Variants in EFNA5 observed in about 807,000 individuals in gnomAD.
EFNA5 encodes the protein ephrin-A5.
Under a neutral mutation model 22.9 loss-of-function variants are expected in EFNA5, and 5 were observed. That is an observed-to-expected ratio of 0.22 (90% CI 0.11 to 0.46). The LOEUF is 0.46. EFNA5 is among the 20% of genes least tolerant of loss of function. The probability of loss-of-function intolerance (pLI) is 0.99; values close to 1 mark genes in which losing one functional copy is unlikely to be tolerated. For synonymous variants in EFNA5, 113 were observed against 112.2 expected (o/e 1.01, Z -0.04); for missense variants, 237 against 293.3 (o/e 0.81, Z 1.40).
At chr5:107,663,014 A>T (rs1040525751) in intron 1 of EFNA5, among the ~76,000 whole-genome samples, 1 of 152,124 alleles carries the variant, frequency 6.6e-6, no homozygotes, top group Non-Finnish European at 1.5e-5. Context: ...GCATATTATT[A>T]CTAAGTTAAA....
At chr5:107,602,102 T>C (rs1452609085) in intron 1 of EFNA5, among the ~76,000 whole-genome samples, 1 of 152,218 alleles carries the variant, frequency 6.6e-6, no homozygotes, top group Non-Finnish European at 1.5e-5. Context: ...AAAGAAGGAA[T>C]GGTGATTTAT....
chr5:107,670,111 G>A (rs1474392408), intron 1 of EFNA5, among the ~76,000 whole-genome samples: 3 of 151,292 alleles, frequency 2.0e-5, no homozygotes, highest in African/African-American at 7.3e-5. Flanking sequence ...CACGCTCCAG[G>A]AAGGAGCTCC....
intron 1 of EFNA5, among the ~76,000 whole-genome samples, chr5:107,559,139 CCT>C (rs1454984127): frequency 1.3e-5 from 2 of 152,116 alleles, no homozygotes; most frequent in African/African-American, 4.8e-5. Context: ...GGCCAGATGC[CCT>C]GATTCCCTAT....
At chr5:107,482,319 A>AAC (rs1175394479) in intron 1 of EFNA5, among the ~76,000 whole-genome samples, 2 of 152,096 alleles carry the variant, frequency 1.3e-5, no homozygotes, top group East Asian at 1.9e-4. Flanking sequence ...AAAAAAAAAA[A>AAC]AAATGCTATT....
intron 1 of EFNA5, among the ~76,000 whole-genome samples, chr5:107,482,972 CAG>C (rs1010156989): frequency 4.6e-5 from 7 of 151,546 alleles, no homozygotes; most frequent in African/African-American, 1.5e-4. Flanking sequence ...AGCACTGAGG[CAG>C]AGTGTATTTC....
intron 1 of EFNA5, among the ~76,000 whole-genome samples, chr5:107,669,889 C>A (rs1751150585): frequency 6.6e-6 from 1 of 151,994 alleles, no homozygotes; most frequent in African/African-American, 2.4e-5. Context: ...CGGGCCCAGA[C>A]TGACTCAGGG....
chr5:107,598,669 C>T (rs1232313609), intron 1 of EFNA5, among the ~76,000 whole-genome samples: 1 of 152,178 alleles, frequency 6.6e-6, no homozygotes, highest in Non-Finnish European at 1.5e-5. Context: ...GGTCAGAATT[C>T]AGAATCAGAA....
At chr5:107,653,217 A>G (rs905297540) in intron 1 of EFNA5, among the ~76,000 whole-genome samples, 4 of 152,094 alleles carry the variant, frequency 2.6e-5, no homozygotes, top group African/African-American at 4.8e-5. Flanking sequence ...TTCACTCAGA[A>G]ATGGGCTGGA....
At chr5:107,653,308 C>T (rs2112554388) in intron 1 of EFNA5, among the ~76,000 whole-genome samples, 1 of 152,190 alleles carries the variant, frequency 6.6e-6, no homozygotes, top group East Asian at 1.9e-4. Flanking sequence ...CTTCAGTCTC[C>T]TAAGTTCTCC....
intron 1 of EFNA5, among the ~76,000 whole-genome samples, chr5:107,538,049 T>A (rs1747963675): frequency 6.6e-6 from 1 of 152,116 alleles, no homozygotes; most frequent in Non-Finnish European, 1.5e-5. Flanking sequence ...GACTGAGTCT[T>A]AAAAGATTGA....
intron 1 of EFNA5, among the ~76,000 whole-genome samples, chr5:107,537,752 C>G (rs1055431556): frequency 2.6e-5 from 4 of 152,126 alleles, no homozygotes; most frequent in African/African-American, 9.7e-5. Context: ...GGTAACAGAG[C>G]CATGCAAACC....
chr5:107,489,668 C>CG (rs1554062616), intron 1 of EFNA5, among the ~76,000 whole-genome samples: 3 of 150,888 alleles, frequency 2.0e-5, no homozygotes, highest in East Asian at 3.9e-4. Flanking sequence ...CTACCCCCCC[C>CG]ACCAAGATCT....
chr5:107,588,076 A>G (rs1749230323), intron 1 of EFNA5, among the ~76,000 whole-genome samples: 1 of 152,206 alleles, frequency 6.6e-6, no homozygotes, highest in South Asian at 2.1e-4. Context: ...AAAACTCCCA[A>G]TGACTCTCTC....
intron 2 of EFNA5, among the ~76,000 whole-genome samples, chr5:107,423,875 T>C (rs1302341818): frequency 1.3e-5 from 2 of 152,230 alleles, no homozygotes; most frequent in African/African-American, 4.8e-5. Flanking sequence ...CTGCAAAGCA[T>C]GTTTTATTTT....
intron 1 of EFNA5, among the ~76,000 whole-genome samples, chr5:107,652,394 C>G (rs1358033097): frequency 6.6e-6 from 1 of 152,186 alleles, no homozygotes; most frequent in East Asian, 1.9e-4. Flanking sequence ...TACCCCTGAA[C>G]AGATGTGCTT....
intron 1 of EFNA5, among the ~76,000 whole-genome samples, chr5:107,441,636 A>C (rs1300016914): frequency 6.6e-6 from 1 of 152,184 alleles, no homozygotes; most frequent in Non-Finnish European, 1.5e-5. Context: ...TTTAAATATG[A>C]ATTTCTGGCA....
intron 1 of EFNA5, among the ~76,000 whole-genome samples, chr5:107,470,815 G>A (rs1750117695): frequency 6.6e-6 from 1 of 152,036 alleles, no homozygotes; most frequent in Non-Finnish European, 1.5e-5. Context: ...AGAATCACTT[G>A]AGCCCAGGAG....
intron 1 of EFNA5, among the ~76,000 whole-genome samples, chr5:107,533,255 CG>C (rs200162988): frequency 5.9e-5 from 9 of 152,094 alleles, no homozygotes; most frequent in Admixed American, 1.3e-4. Context: ...CGATATGAAG[CG>C]GGGGGATCTT....
intron 1 of EFNA5, among the ~76,000 whole-genome samples, chr5:107,488,104 T>C (rs370932778): frequency 3.9e-5 from 6 of 152,330 alleles, no homozygotes; most frequent in Middle Eastern, 3.4e-3. Context: ...ACACAAATGT[T>C]GAGAGGAAGA....
Sources: gnomAD v4.1 joint callset for allele counts (sites outside exome capture counted in the v4.1 genomes callset) on GRCh38, gnomAD v4.1.1 for gene constraint, MANE v1.5 for transcripts, NCBI Gene and HGNC (gene_info 2026-07-23, HGNC 2026-07-21) for gene names.